Variants in DNAJC1 observed in about 807,000 individuals in gnomAD.
The protein encoded by DNAJC1 is DnaJ heat shock protein family (Hsp40) member C1.
Under a neutral mutation model 76.6 loss-of-function variants are expected in DNAJC1, and 58 were observed. That is an observed-to-expected ratio of 0.76 (90% CI 0.61 to 0.94). DNAJC1 has a LOEUF of 0.94. Among genes scored for constraint, DNAJC1 ranks in the 40% least tolerant of loss-of-function variants. The pLI, the probability that DNAJC1 is intolerant of heterozygous loss-of-function variation, is 0.00. For missense variants in DNAJC1, 689 were observed against 677.3 expected, an observed-to-expected ratio of 1.02 and a Z score of -0.19; for synonymous variants, 258 against 267.9, an observed-to-expected ratio of 0.96 and a Z score of 0.36.
At chr10:21,767,320 T>C (rs1294794460) in intron 9 of DNAJC1, among the ~76,000 whole-genome samples, 1 of 152,148 alleles carries the variant, frequency 6.6e-6, no homozygotes, top group African/African-American at 2.4e-5. Flanking sequence ...ATATAAATGG[T>C]ATCATATTTC....
chr10:21,989,299 A>T (rs186045112), intron 1 of DNAJC1, among the ~76,000 whole-genome samples: 1 of 152,364 alleles, frequency 6.6e-6, no homozygotes, highest in East Asian at 1.9e-4. Flanking sequence ...TATTTGAGGG[A>T]CTTCCTCCGA....
Position 21,946,102 on chromosome 10 carries a change from G to A in DNAJC1, c.223-16961C>T, listed in dbSNP as rs200148194. On this transcript the variant is annotated intron_variant, in intron 1 of 11. Coordinates refer to ENST00000376980, the MANE Select transcript of DNAJC1 (RefSeq NM_022365.4). ...GTTGCCCAGGCTGGAGTGCAGTGGCGCGATCTCAGCTCACTGCAATCTCCA... is the reference window on the plus strand; with the variant it reads ...GTTGCCCAGGCTGGAGTGCAGTGGCACGATCTCAGCTCACTGCAATCTCCA... Among the ~76,000 whole-genome samples, 179 of 130,994 alleles carry A rather than the reference G, an allele frequency of 1.4e-3. 3 individuals are homozygous for A. The East Asian group carries it at 0.027, about 20-fold the overall frequency. 85.9% of individuals were successfully genotyped at this position (130,994 alleles called of 152,430 possible). A position where few individuals can be genotyped will look rare whatever the true frequency, so the allele number is the denominator to read the frequency against.
intron 8 of DNAJC1, among the ~76,000 whole-genome samples, chr10:21,837,527 C>T (rs1174114839): frequency 2.0e-5 from 3 of 151,748 alleles, no homozygotes; most frequent in South Asian, 4.2e-4. Context: ...CCCACTGCCC[C>T]GTCTGGGATG....
In DNAJC1 at chr10:21,920,786, A is replaced by G. The variant is rs745527303; in HGVS notation, c.537+12T>C. 1 of 1,601,062 alleles carries G rather than the reference A, an allele frequency of 6.2e-7. No individual in the cohort carries two copies. Among genetic ancestry groups the G allele is most frequent in the Non-Finnish European group, 8.5e-7 (1 of 1,173,038 alleles). On this transcript the variant is annotated intron_variant, in intron 4 of 11. Transcript: ENST00000376980. ...AGGAGGCTAGTTCATTTGATTTATT[A>G]CTAACACTTACCAGTTGTTTTTCCA...
intron 8 of DNAJC1, among the ~76,000 whole-genome samples, chr10:21,828,126 CTTTGT>C (rs1835293088): frequency 1.3e-5 from 2 of 152,182 alleles, no homozygotes; most frequent in South Asian, 4.1e-4. Flanking sequence ...CAGATGTATA[CTTTGT>C]TATTACTGCA....
chr10:21,869,225 A>G (rs1836061683), intron 8 of DNAJC1, among the ~76,000 whole-genome samples: 1 of 151,556 alleles, frequency 6.6e-6, no homozygotes. Flanking sequence ...CAAAAAAAAA[A>G]AAAAAAAAAA....
At chr10:21,796,459 G>A (rs967790028) in intron 9 of DNAJC1, among the ~76,000 whole-genome samples, 1 of 152,064 alleles carries the variant, frequency 6.6e-6, no homozygotes, top group Admixed American at 6.6e-5. Flanking sequence ...TATACATCTA[G>A]AAGTTTTTCT....
At chr10:21,893,484 C>T (rs986010668) in intron 7 of DNAJC1, among the ~76,000 whole-genome samples, 13 of 151,414 alleles carry the variant, frequency 8.6e-5, no homozygotes, top group Admixed American at 7.2e-4. Flanking sequence ...AAAAATTAGC[C>T]GGGCATGGTG....
chr10:21,909,499 G>T (rs1439763076), intron 6 of DNAJC1, among the ~76,000 whole-genome samples: 1 of 152,208 alleles, frequency 6.6e-6, no homozygotes, highest in East Asian at 1.9e-4. Context: ...TATAAGCTCT[G>T]TGAGAACAGG....
At chr10:21,882,753 C>T (rs184090679) in intron 7 of DNAJC1, among the ~76,000 whole-genome samples, 3 of 152,174 alleles carry the variant, frequency 2.0e-5, no homozygotes, top group Non-Finnish European at 2.9e-5. Context: ...TATTGTAACC[C>T]TAACTTTACC....
chr10:21,916,038 A>G (rs1564826346), intron 6 of DNAJC1, among the ~76,000 whole-genome samples: 2 of 152,152 alleles, frequency 1.3e-5, no homozygotes, highest in East Asian at 1.9e-4. Context: ...CAGAAAGCCA[A>G]TTATGAAAGA....
chr10:21,995,908 C>A (rs1358509299), intron 1 of DNAJC1, among the ~76,000 whole-genome samples: 1 of 152,028 alleles, frequency 6.6e-6, no homozygotes, highest in Non-Finnish European at 1.5e-5. Flanking sequence ...CACGCTTAGA[C>A]AAAAAATTTC....
intron 1 of DNAJC1, among the ~76,000 whole-genome samples, chr10:21,940,827 TA>T (rs1382769105): frequency 6.6e-6 from 1 of 152,130 alleles, no homozygotes; most frequent in Non-Finnish European, 1.5e-5. Flanking sequence ...ATCATTTCTA[TA>T]ATCTGGTAAC....
At chr10:21,877,840 A>T (rs948162680) in intron 8 of DNAJC1, among the ~76,000 whole-genome samples, 1 of 152,206 alleles carries the variant, frequency 6.6e-6, no homozygotes, top group Non-Finnish European at 1.5e-5. Context: ...TGACTGCCCA[A>T]AAACTTTACT....
chr10:21,779,019 G>A (rs368320098), intron 9 of DNAJC1, among the ~76,000 whole-genome samples: 27 of 152,318 alleles, frequency 1.8e-4, no homozygotes, highest in African/African-American at 5.3e-4. Context: ...GTCTGAGATC[G>A]AACTGCAAGA....
intron 7 of DNAJC1, among the ~76,000 whole-genome samples, chr10:21,886,141 G>A (rs1220248160): frequency 6.6e-6 from 1 of 151,812 alleles, no homozygotes. Context: ...ATGATGAAGG[G>A]TGTCATCATT....
At chr10:21,969,519 G>C (rs192736984) in intron 1 of DNAJC1, among the ~76,000 whole-genome samples, 10 of 152,062 alleles carry the variant, frequency 6.6e-5, no homozygotes, top group Non-Finnish European at 1.3e-4. Flanking sequence ...CAAATGAGTC[G>C]GACTCTGAGT....
intron 6 of DNAJC1, among the ~76,000 whole-genome samples, chr10:21,908,020 T>C: frequency 4.9e-5 from 2 of 40,404 alleles, no homozygotes; most frequent in African/African-American, 2.4e-4. Flanking sequence ...TATAATAATA[T>C]ATATAAATAT....
intron 1 of DNAJC1, among the ~76,000 whole-genome samples, chr10:21,972,154 A>C (rs930739350): frequency 2.0e-5 from 3 of 151,988 alleles, no homozygotes; most frequent in Non-Finnish European, 2.9e-5. Context: ...GACATATAAA[A>C]TATAACTCCA....
Sources: gnomAD v4.1 joint callset for allele counts (sites outside exome capture counted in the v4.1 genomes callset) on GRCh38, gnomAD v4.1.1 for gene constraint, MANE v1.5 for transcripts, NCBI Gene and HGNC (gene_info 2026-07-23, HGNC 2026-07-21) for gene names.